Variants in MYCBP2 observed in about 807,000 individuals in gnomAD.
MYCBP2 encodes the protein MYC binding protein 2.
MYCBP2 carries 120 observed loss-of-function variants against 525.3 expected under a neutral mutation model. The observed-to-expected ratio is 0.23, with a 90% CI of 0.20 to 0.27. The LOEUF is 0.27. Ranked by LOEUF, MYCBP2 falls within the 10% of genes least tolerant of loss-of-function variation. MYCBP2 has a pLI of 1.00. For missense variants in MYCBP2, 4,149 were observed against 5,657.1 expected, an observed-to-expected ratio of 0.73 and a Z score of 8.55; for synonymous variants, 1,894 against 1,955.8, an observed-to-expected ratio of 0.97 and a Z score of 0.83.
At chr13:77,277,131 G>A (rs1428332831) in intron 4 of MYCBP2, among the ~76,000 whole-genome samples, 4 of 152,158 alleles carry the variant, frequency 2.6e-5, no homozygotes, top group Non-Finnish European at 4.4e-5. Flanking sequence ...GAAGACTTAG[G>A]AGGAAAGAAA....
At chr13:77,129,286 C>T (rs1265182951) in intron 52 of MYCBP2, 1 of 396,034 alleles carries the variant, frequency 2.5e-6, no homozygotes, top group African/African-American at 2.1e-5. Flanking sequence ...AACAGGATAT[C>T]ATCTGCAGAA....
chr13:77,046,504 CATAAG>C (rs1488832752), intron 82 of MYCBP2, among the ~76,000 whole-genome samples: 3 of 152,262 alleles, frequency 2.0e-5, no homozygotes, highest in Admixed American at 1.3e-4. Flanking sequence ...ACATTTCTGA[CATAAG>C]AGAAGGAAAC....
chr13:77,150,353 G>A (rs977230152), intron 47 of MYCBP2, among the ~76,000 whole-genome samples: 2 of 152,070 alleles, frequency 1.3e-5, no homozygotes, highest in Non-Finnish European at 2.9e-5. Context: ...CATTACTGAG[G>A]CTGGTCTCGA....
chr13:77,317,065 T>G (rs1039357950), intron 1 of MYCBP2, among the ~76,000 whole-genome samples: 1 of 152,108 alleles, frequency 6.6e-6, no homozygotes, highest in African/African-American at 2.4e-5. Context: ...TTCTCCTGAC[T>G]CAGCCTCCCA....
At chr13:77,158,383 C>T (rs1443295054) in intron 44 of MYCBP2, among the ~76,000 whole-genome samples, 1 of 152,092 alleles carries the variant, frequency 6.6e-6, no homozygotes, top group Non-Finnish European at 1.5e-5. Flanking sequence ...CATGCCAGTC[C>T]TCTATATGTT....
chr13:77,078,943 A>C (rs2042814290), intron 65 of MYCBP2, 54 bp from the exon 66 acceptor site: 3 of 1,462,770 alleles, frequency 2.1e-6, no homozygotes, highest in East Asian at 2.3e-5. Context: ...TTCAGAACTT[A>C]CAATGGTTTC....
chr13:77,095,620 C>A lies in MYCBP2; in HGVS notation c.9955-18G>T. On this transcript the variant is annotated intron_variant, in intron 57 of 82. Coordinates refer to ENST00000544440, the MANE Select transcript of MYCBP2 (RefSeq NM_015057.5). The stretch of plus-strand genomic sequence containing the variant: ...TGTTTGACCTGGCGAAGAAAAAAAT[C>A]AAACTAATCTTTTCTGACTTACATT... 1.2e-6 allele frequency: 2 copies of A among 1,606,240 alleles called. No individual in the cohort carries two copies. The highest frequency in any genetic ancestry group is 2.2e-5 in the South Asian group (2 of 90,232).
intron 55 of MYCBP2, chr13:77,099,724 C>T (rs1220154407): frequency 2.0e-5 from 3 of 152,128 alleles, no homozygotes; most frequent in Non-Finnish European, 4.4e-5. Context: ...ACGGTGGATC[C>T]TCAGAATGAG....
chr13:77,094,575 T>G (rs2045951894), intron 58 of MYCBP2, among the ~76,000 whole-genome samples: 1 of 152,172 alleles, frequency 6.6e-6, no homozygotes, highest in South Asian at 2.1e-4. Context: ...GGCTTTCACA[T>G]ATTTCCTCCA....
chr13:77,190,465 G>A, intron 28 of MYCBP2, 130 bp from the exon 29 acceptor site: 1 of 593,156 alleles, frequency 1.7e-6, no homozygotes, highest in South Asian at 2.5e-5. Flanking sequence ...AAGCAAAAAG[G>A]TATTTTCTAG....
rs182803451 is a variant in MYCBP2, at chr13:77,101,936, C to T, written c.8141-2923G>A. ...GTTTGCTAAAAATCTTCAGACTATA[C>T]GTAATACTTTCACATTCATCTCCTA... On this transcript the variant is annotated intron_variant, in intron 55 of 82. Coordinates refer to ENST00000544440, the MANE Select transcript of MYCBP2 (RefSeq NM_015057.5). Among the ~76,000 whole-genome samples the T allele has an allele frequency of 2.2e-3, 335 of 151,908 alleles. 1 individual carries two copies. Among genetic ancestry groups the T allele is most frequent in the African/African-American group, 7.7e-3 (318 of 41,434 alleles).
intron 2 of MYCBP2, among the ~76,000 whole-genome samples, chr13:77,292,258 C>A (rs1163299010): frequency 6.6e-6 from 1 of 152,064 alleles, no homozygotes; most frequent in African/African-American, 2.4e-5. Context: ...AAACACATAC[C>A]TTTTTCCTGC....
At position 77,125,451 on chromosome 13, in the gene MYCBP2, C is replaced by A. The variant is rs2051480960; in HGVS notation, c.7902G>T (p.Gly2634=). ...KAVGEVTNSE[G]TWVQLDQNSM... is the part of the protein sequence containing the mutation. The stretch of plus-strand genomic sequence containing the variant: ...TGTTCTGATCCAGTTGCACCCATGT[C>A]CCTTCAGAATTGGTTACCTGGTACA... The change falls in exon 54 of 83, where the codon GGG becomes GGT. Residue 2634 remains glycine (G), a synonymous_variant. Transcript: ENST00000544440. The A allele has an allele frequency of 1.9e-6, 3 of 1,613,600 alleles. No homozygotes were observed. The highest frequency in any genetic ancestry group is 8.5e-7 in the Non-Finnish European group (1 of 1,179,756).
chr13:77,193,123 T>C (rs1382651922), intron 27 of MYCBP2, among the ~76,000 whole-genome samples: 7 of 152,100 alleles, frequency 4.6e-5, no homozygotes, highest in African/African-American at 1.4e-4. Flanking sequence ...AGTGAGACTC[T>C]GTCTCAAAAA....
intron 17 of MYCBP2, among the ~76,000 whole-genome samples, chr13:77,238,731 C>A (rs1005289982): frequency 1.2e-4 from 18 of 152,206 alleles, no homozygotes; most frequent in African/African-American, 4.3e-4. Context: ...TCATTGCTTT[C>A]TTGGGTTTCA....
At position 77,201,749 on chromosome 13, in the gene MYCBP2, C is replaced by G. The variant is rs528557282; in HGVS notation, c.3843+3507G>C. The stretch of plus-strand genomic sequence containing the variant: ...TCAGGATTAAGAATCTCACTCAAAA[C>G]CACTCAACTACATGGAAACTGAACA... On this transcript the variant is annotated intron_variant, in intron 26 of 82. Coordinates refer to ENST00000544440, the MANE Select transcript of MYCBP2 (RefSeq NM_015057.5). 9.9e-5 allele frequency among the ~76,000 whole-genome samples: 15 copies of G among 152,146 alleles called. No homozygotes were observed. The South Asian group carries it at 3.1e-3, about 32-fold the overall frequency.
intron 14 of MYCBP2, among the ~76,000 whole-genome samples, chr13:77,253,957 CATTT>C (rs2154331715): frequency 6.6e-6 from 1 of 151,932 alleles, no homozygotes; most frequent in Admixed American, 6.6e-5. Context: ...GTTTTAAACT[CATTT>C]ATAACAATGA....
rs757604336 is a variant in MYCBP2 at position 77,262,070 on chromosome 13, T to C, written c.1630A>G (p.Lys544Glu). 6.2e-7 allele frequency: 1 copy of C among 1,611,266 alleles called. No homozygotes were observed. The highest frequency in any genetic ancestry group is 1.1e-5 in the South Asian group (1 of 90,722). The change falls in exon 11 of 83, where the codon AAA (lysine) becomes GAA (glutamate). Residue 544 changes from lysine (K) to glutamate (E), a missense_variant. Lys to Glu is a moderately conservative substitution (Grantham distance 56). Transcript: ENST00000544440. The part of the protein sequence containing the change: ...LGAGREFALM[K>E]TANGKIYYTG... ...TAATTTACCTTTCCATTTGCTGTTT[T>C]CATTAGCGCAAACTCTCGTCCTGCA... is the stretch of plus-strand genomic sequence containing the variant.
chr13:77,062,153 T>C (rs534006321), intron 74 of MYCBP2, among the ~76,000 whole-genome samples: 2 of 152,348 alleles, frequency 1.3e-5, no homozygotes, highest in East Asian at 3.9e-4. Context: ...AAAGGGCCTA[T>C]ATAAAGTTTT....
Sources: gnomAD v4.1 joint callset for allele counts (sites outside exome capture counted in the v4.1 genomes callset) on GRCh38, gnomAD v4.1.1 for gene constraint, MANE v1.5 for transcripts, NCBI Gene and HGNC (gene_info 2026-07-23, HGNC 2026-07-21) for gene names.